The following SNRNP25 variants were observed in gnomAD, a reference collection of about 807,000 sequenced individuals.
SNRNP25 encodes the protein small nuclear ribonucleoprotein U11/U12 subunit 25.
SNRNP25 carries 21 observed loss-of-function variants against 23.9 expected under a neutral mutation model. The ratio of observed to expected loss-of-function variants is 0.88; its 90% confidence interval spans 0.62 to 1.27. SNRNP25 has a LOEUF of 1.27. SNRNP25 is among the 50% of genes most tolerant of loss of function. The pLI, the probability that SNRNP25 is intolerant of heterozygous loss-of-function variation, is 0.00. For missense variants in SNRNP25, 160 were observed against 156.9 expected (o/e 1.02, Z -0.11); for synonymous variants, 63 against 60.4 (o/e 1.04, Z -0.20).
chr16:53,855 T>A lies in SNRNP25; in HGVS notation c.-162T>A. 1 of 1,424,454 alleles carries A rather than the reference T, an allele frequency of 7.0e-7. No homozygotes were observed. Among genetic ancestry groups the A allele is most frequent in the East Asian group, 2.6e-5 (1 of 38,686 alleles). 88.2% of individuals were successfully genotyped at this position (1,424,454 alleles called of 1,614,324 possible). A position where few individuals can be genotyped will look rare whatever the true frequency, so the allele number is the denominator to read the frequency against. ...AGTTCCTGCGCGTGCGCGCTTGGCC[T>A]CCCTAGTGCGGGCTGGCAGTGCGGG... On this transcript the variant is annotated 5_prime_UTR_variant, in exon 1 of 5. Transcript: ENST00000293861.
At position 57,170 on chromosome 16, in the gene SNRNP25, T is replaced by C. The variant is rs778541426; in HGVS notation, c.*27T>C. 2 of 1,612,278 alleles carry C rather than the reference T, an allele frequency of 1.2e-6. No homozygotes were observed. The highest frequency in any genetic ancestry group is 1.3e-5 in the African/African-American group (1 of 74,990). ...CCTCCAGACAGGACAACCCTCTTCA[T>C]CACTGGTGGCTGAGCTTTTTCCCAG... On this transcript the variant is annotated 3_prime_UTR_variant, in exon 5 of 5. Coordinates refer to ENST00000293861, the MANE Select transcript of SNRNP25 (RefSeq NM_024571.4).
rs370135749 is a variant in SNRNP25, at chr16:57,153, C to A, written c.*10C>A. ...GCTGAGGCAAAAGTGAGCCTCCAGACAGGACAACCCTCTTCATCACTGGTG... is the reference window on the plus strand; with the variant it reads ...GCTGAGGCAAAAGTGAGCCTCCAGAAAGGACAACCCTCTTCATCACTGGTG... On this transcript the variant is annotated 3_prime_UTR_variant, in exon 5 of 5. Transcript: ENST00000293861. The A allele has an allele frequency of 3.6e-5, 58 of 1,613,732 alleles. No individual in the cohort carries two copies. The highest frequency in any genetic ancestry group is 5.0e-5 in the Admixed American group (3 of 60,012).
At position 53,909 on chromosome 16, in the gene SNRNP25, G is replaced by T; in HGVS notation, c.-108G>T. The T allele has an allele frequency of 1.3e-6, 2 of 1,528,852 alleles. No homozygotes were observed. The highest frequency in any genetic ancestry group is 8.9e-7 in the Non-Finnish European group (1 of 1,129,192). 94.7% of individuals were successfully genotyped at this position (1,528,852 alleles called of 1,614,324 possible). On this transcript the variant is annotated 5_prime_UTR_variant, in exon 1 of 5. Coordinates refer to ENST00000293861, the MANE Select transcript of SNRNP25 (RefSeq NM_024571.4). Reference sequence around the variant, plus strand: ...AGCCCGGCTGAGAGGGGCGGCCCTGGAGGAGACGGAGGCCGCGGGTGGGCC... The same window carrying T: ...AGCCCGGCTGAGAGGGGCGGCCCTGTAGGAGACGGAGGCCGCGGGTGGGCC...
chr16:57,052 G>A (rs765400910), intron 4 of SNRNP25, 34 bp from the exon 5 acceptor site: 8 of 1,612,632 alleles, frequency 5.0e-6, no homozygotes, highest in Admixed American at 1.7e-5. Flanking sequence ...TCCTTCTGTA[G>A]GGCAGGTGCT....
At chr16:56,161 C>G (rs942118781) in intron 3 of SNRNP25, 5 of 623,918 alleles carry the variant, frequency 8.0e-6, no homozygotes, top group African/African-American at 1.8e-5. Context: ...GGGACACTGT[C>G]GGGAATTTCC....
intron 3 of SNRNP25, 151 bp from the exon 4 acceptor site, chr16:56,388 G>T (rs1191306139): frequency 1.3e-6 from 1 of 783,740 alleles, no homozygotes; most frequent in Non-Finnish European, 2.3e-6. Flanking sequence ...AGCTGCCTCA[G>T]ACCCAATCTG....
At chr16:56,467 G>A (rs752189765) in intron 3 of SNRNP25, 72 bp from the exon 4 acceptor site, 1 of 1,465,600 alleles carries the variant, frequency 6.8e-7, no homozygotes, top group Non-Finnish European at 9.6e-7. Flanking sequence ...CATGCCTCAA[G>A]CCCACGTCAT....
Position 55,864 on chromosome 16 carries a change from G to C in SNRNP25, c.221G>C (p.Gly74Ala), listed in dbSNP as rs749599260. Residue 74 changes from glycine to alanine, a missense_variant, in exon 3 of 5, where the codon GGC becomes GCC. Physicochemically the swap from Gly to Ala is moderately conservative, Grantham distance 60 (BLOSUM62 0). Transcript: ENST00000293861. Reference sequence around the variant, plus strand: ...CAGCTCAAGCAGGAGCGTGAAGGGGGCATTCAGCACATCAGCTGGTAAGTG... The same window carrying C: ...CAGCTCAAGCAGGAGCGTGAAGGGGCCATTCAGCACATCAGCTGGTAAGTG... ...YVQLKQEREG[G>A]IQHISWSYVW... The C allele has an allele frequency of 6.2e-7, 1 of 1,614,024 alleles. No homozygotes were observed. The highest frequency in any genetic ancestry group is 8.5e-7 in the Non-Finnish European group (1 of 1,179,964).
intron 1 of SNRNP25, among the ~76,000 whole-genome samples, chr16:54,600 G>T (rs1320842260): frequency 6.6e-6 from 1 of 152,020 alleles, no homozygotes; most frequent in Non-Finnish European, 1.5e-5. Flanking sequence ...TACGGTAAAA[G>T]AAAAATTTAG....
rs781299134 is a variant in SNRNP25, at chr16:55,453, T to C, written c.43-6T>C. ...GGTTCCCACTTCTGCCCTTGGTCTT[T>C]TGTAGGTTACTCTGGAAGAAGTCAA... On this transcript the variant is annotated splice_polypyrimidine_tract_variant and splice_region_variant and intron_variant, in intron 1 of 4. Transcript: ENST00000293861. The C allele has an allele frequency of 2.0e-5, 32 of 1,613,932 alleles. No individual in the cohort carries two copies. The highest frequency in any genetic ancestry group is 2.7e-5 in the African/African-American group (2 of 74,934).
Position 53,883 on chromosome 16 carries a change from G to A in SNRNP25, c.-134G>A, listed in dbSNP as rs1897372753. On this transcript the variant is annotated 5_prime_UTR_variant, in exon 1 of 5. Coordinates refer to ENST00000293861, the MANE Select transcript of SNRNP25 (RefSeq NM_024571.4). ...CTAGTGCGGGCTGGCAGTGCGGGCA[G>A]AGCCCGGCTGAGAGGGGCGGCCCTG... 3 of 1,495,528 alleles carry A rather than the reference G, an allele frequency of 2.0e-6. No homozygotes were observed. The highest frequency in any genetic ancestry group is 2.7e-6 in the Non-Finnish European group (3 of 1,104,942). 92.6% of individuals were successfully genotyped at this position (1,495,528 alleles called of 1,614,324 possible).
At chr16:54,230 G>A (rs1329506390) in intron 1 of SNRNP25, among the ~76,000 whole-genome samples, 172 bp downstream of exon 1, 2 of 152,254 alleles carry the variant, frequency 1.3e-5, no homozygotes, top group Non-Finnish European at 2.9e-5. Flanking sequence ...CCTGGGGCGC[G>A]AAGCTTAAAG....
At chr16:57,036 GAT>G (rs1897421453) in intron 4 of SNRNP25, 48 bp from the exon 5 acceptor site, 2 of 1,603,906 alleles carry the variant, frequency 1.2e-6, no homozygotes, top group Admixed American at 3.3e-5. Flanking sequence ...GGGAGTCACA[GAT>G]ATGTCCTTCT....
intron 1 of SNRNP25, chr16:55,193 C>T: frequency 2.4e-6 from 1 of 421,464 alleles, no homozygotes; most frequent in South Asian, 2.2e-5. Context: ...CCCCTGGGGG[C>T]AGGTCCTCAT....
At position 53,864 on chromosome 16, in the gene SNRNP25, C is replaced by A. The variant is rs1156600540; in HGVS notation, c.-153C>A. ...GCGTGCGCGCTTGGCCTCCCTAGTG[C>A]GGGCTGGCAGTGCGGGCAGAGCCCG... On this transcript the variant is annotated 5_prime_UTR_variant, in exon 1 of 5. Transcript: ENST00000293861. 8.2e-6 allele frequency: 12 copies of A among 1,468,122 alleles called. No individual in the cohort carries two copies. In the South Asian group the frequency reaches 1.3e-4, roughly 16 times the overall value. The allele number at this position is 1,468,122 out of a possible 1,614,324, so 90.9% of individuals were successfully genotyped here.
At position 56,589 on chromosome 16, in the gene SNRNP25, C is replaced by T. The variant is rs146101628; in HGVS notation, c.290C>T (p.Thr97Met). ...CTGACCTCTGCAGGAGAGAAACTCA[C>T]GGAAGACAGAAAGAAGCTCCGAGAG... is the stretch of plus-strand genomic sequence containing the variant. Reference protein sequence around the residue: ...YHLTSAGEKLTEDRKKLRDYG... With the variant: ...YHLTSAGEKLMEDRKKLRDYG... Residue 97 changes from threonine (T) to methionine (M), a missense_variant, in exon 4 of 5, where the codon ACG (threonine) becomes ATG (methionine). Thr to Met is a moderately conservative substitution (Grantham distance 81). Coordinates refer to ENST00000293861, the MANE Select transcript of SNRNP25 (RefSeq NM_024571.4). 473 of 1,614,030 alleles carry T rather than the reference C, an allele frequency of 2.9e-4. No homozygotes were observed. The highest frequency in any genetic ancestry group is 2.8e-4 in the Non-Finnish European group (326 of 1,180,024).
Position 53,867 on chromosome 16 carries a change from G to C in SNRNP25, c.-150G>C. 6.8e-7 allele frequency: 1 copy of C among 1,471,978 alleles called. No individual in the cohort carries two copies. Among genetic ancestry groups the C allele is most frequent in the African/African-American group, 1.4e-5 (1 of 70,996 alleles). The allele number at this position is 1,471,978 out of a possible 1,614,324, so 91.2% of individuals were successfully genotyped here. On this transcript the variant is annotated 5_prime_UTR_variant, in exon 1 of 5. Transcript: ENST00000293861. Reference sequence around the variant, plus strand: ...TGCGCGCTTGGCCTCCCTAGTGCGGGCTGGCAGTGCGGGCAGAGCCCGGCT... The same window carrying C: ...TGCGCGCTTGGCCTCCCTAGTGCGGCCTGGCAGTGCGGGCAGAGCCCGGCT...
chr16:56,602 G>A lies in SNRNP25; in HGVS notation c.303G>A (p.Lys101=). Residue 101 remains lysine (K), a synonymous_variant, in exon 4 of 5, where the codon AAG becomes AAA. Transcript: ENST00000293861. The part of the protein sequence containing the change: ...SAGEKLTEDR[K]KLRDYGIRNR... ...GAGAGAAACTCACGGAAGACAGAAAGAAGCTCCGAGAGTAAGTGCCGGCCA... is the reference window on the plus strand; with the variant it reads ...GAGAGAAACTCACGGAAGACAGAAAAAAGCTCCGAGAGTAAGTGCCGGCCA... 6.2e-7 allele frequency: 1 copy of A among 1,614,016 alleles called. No individual in the cohort carries two copies. The highest frequency in any genetic ancestry group is 1.1e-5 in the South Asian group (1 of 91,090).
intron 3 of SNRNP25, 91 bp from the exon 4 acceptor site, chr16:56,448 A>G (rs1420852299): frequency 1.1e-5 from 13 of 1,217,138 alleles, no homozygotes; most frequent in Non-Finnish European, 1.6e-5. Flanking sequence ...CCCAGGTCCC[A>G]TAGGACTGCA....
Sources: gnomAD v4.1 joint callset for allele counts (sites outside exome capture counted in the v4.1 genomes callset) on GRCh38, gnomAD v4.1.1 for gene constraint, MANE v1.5 for transcripts, NCBI Gene and HGNC (gene_info 2026-07-23, HGNC 2026-07-21) for gene names.